The following LAT2 variants were observed in gnomAD, a reference collection of about 807,000 sequenced individuals.
LAT2 encodes linker for activation of T-cells family member 2.
In LAT2, 23 loss-of-function variants were observed where a neutral mutation model predicts 43.4. The ratio of observed to expected loss-of-function variants is 0.53; its 90% CI spans 0.38 to 0.75. LAT2 has a LOEUF of 0.75. LAT2 is among the 30% of genes least tolerant of loss of function. The pLI is 0.00. For missense variants in LAT2, 284 were observed against 310.2 expected, an observed-to-expected ratio of 0.92 and a Z score of 0.64; for synonymous variants, 128 against 123.2, an observed-to-expected ratio of 1.04 and a Z score of -0.26.
chr7:74,223,669 C>G, intron 10 of LAT2, 55 bp from the exon 11 acceptor site: 1 of 1,529,024 alleles, frequency 6.5e-7, no homozygotes, highest in Middle Eastern at 1.7e-4. Flanking sequence ...GGAGGATGAG[C>G]CAGGCTTTGC....
intron 1 of LAT2, among the ~76,000 whole-genome samples, chr7:74,213,083 C>G (rs775331374): frequency 6.6e-6 from 1 of 152,254 alleles, no homozygotes; most frequent in Middle Eastern, 3.4e-3. Flanking sequence ...GATCCCAAGG[C>G]AGGAGGTAGG....
At chr7:74,226,242 A>G (rs1224241077) in intron 13 of LAT2, 3 of 151,308 alleles carry the variant, frequency 2.0e-5, no homozygotes, top group Non-Finnish European at 4.4e-5. Flanking sequence ...GGTTCAAGCG[A>G]TTCTCGTGCC....
rs373811351 is a variant in LAT2, at chr7:74,224,047, T to C, written c.478T>C (p.Cys160Arg). 2.5e-5 allele frequency: 41 copies of C among 1,614,094 alleles called. No individual in the cohort carries two copies. In the African/African-American group the frequency reaches 4.1e-4, roughly 16 times the overall value. ...GAQQEGIGGL[C>R]RGDLSLSLAL... ...CCAGCAGGAGGGCATAGGTGGCCTC[T>C]GCAGAGGGGACCTCAGCCTGTCACT... Residue 160 changes from cysteine (C) to arginine (R), a missense_variant, in exon 12 of 14, where the codon TGC becomes CGC. Cys to Arg is a radical substitution (Grantham distance 180, BLOSUM62 -3). Coordinates refer to ENST00000460943, the MANE Select transcript of LAT2 (RefSeq NM_032464.3).
chr7:74,220,084 C>T lies in LAT2; in HGVS notation c.227+76C>T. ...TCACCTGGTGAGCCCAGGTCAAGAC[C>T]TCCCTCCCTCCCCGAGTCCCAGAGC... is the stretch of plus-strand genomic sequence containing the variant. On this transcript the variant is annotated intron_variant, in intron 6 of 13. Transcript: ENST00000460943. This position sits in a 1 kb window ranked among gnomAD's most constrained non-coding sequence, Gnocchi z 4.5. 1 of 1,569,806 alleles carries T rather than the reference C, an allele frequency of 6.4e-7. No homozygotes were observed. The highest frequency in any genetic ancestry group is 2.3e-5 in the East Asian group (1 of 43,932).
chr7:74,227,314 T>C (rs1554716259), intron 13 of LAT2, among the ~76,000 whole-genome samples: 2 of 151,888 alleles, frequency 1.3e-5, no homozygotes, highest in Non-Finnish European at 2.9e-5. Flanking sequence ...CTCTGCCTCC[T>C]GGGTTCAGGT....
chr7:74,214,768 TATATATAAATATATATATATATA>T (rs1563968723), intron 1 of LAT2, 31 bp from the exon 2 acceptor site: 445 of 26,246 alleles, frequency 0.017, 22 homozygotes, highest in African/African-American at 0.059. Context: ...TATAAACATA[TATATATAAATATATATATATATA>T]TTTTTTTTTT....
chr7:74,224,619 G>C lies in LAT2; in HGVS notation c.629-20G>C. The C allele has an allele frequency of 6.4e-7, 1 of 1,569,284 alleles. No homozygotes were observed. The highest frequency in any genetic ancestry group is 8.7e-7 in the Non-Finnish European group (1 of 1,155,180). ...CTCCATGTGAACCACTCGATGACCTGTCTGCCCGCTGGTCCACAGGGCAAC... is the reference window on the plus strand; with the variant it reads ...CTCCATGTGAACCACTCGATGACCTCTCTGCCCGCTGGTCCACAGGGCAAC... On this transcript the variant is annotated intron_variant, in intron 12 of 13. Coordinates refer to ENST00000460943, the MANE Select transcript of LAT2 (RefSeq NM_032464.3).
rs1215590437 is a variant in LAT2 at position 74,229,256 on chromosome 7, C to T, written c.*331C>T. Reference sequence around the variant, plus strand: ...ATAAGCTGTCACCCAGTCCCCATAACAAAACCACTGTCCAACACTGGTATC... The same window carrying T: ...ATAAGCTGTCACCCAGTCCCCATAATAAAACCACTGTCCAACACTGGTATC... On this transcript the variant is annotated 3_prime_UTR_variant, in exon 14 of 14. Transcript: ENST00000460943. 1 of 152,454 alleles carries T rather than the reference C, an allele frequency of 6.6e-6. No homozygotes were observed. Among genetic ancestry groups the T allele is most frequent in the African/African-American group, 2.4e-5 (1 of 41,456 alleles). 9.4% of individuals were successfully genotyped at this position (152,454 alleles called of 1,614,324 possible).
chr7:74,219,598 T>G, intron 4 of LAT2, 146 bp from the exon 5 acceptor site: 1 of 985,658 alleles, frequency 1.0e-6, no homozygotes, highest in Non-Finnish European at 1.6e-6. Context: ...GAATGAGGCC[T>G]GAAAGGGCAG....
chr7:74,222,933 G>C (rs993902497), intron 10 of LAT2, among the ~76,000 whole-genome samples: 1 of 152,318 alleles, frequency 6.6e-6, no homozygotes, highest in Middle Eastern at 3.4e-3. Context: ...TGGGGCATCA[G>C]TCAGAGCCCA....
rs576055783 is a variant in LAT2 at position 74,218,851 on chromosome 7, C to G, written c.135-893C>G. ...AGCTGGGATTACAGGCATGCGCCAC[C>G]ATGCCCAGCTAATTTTTGTATTTTT... On this transcript the variant is annotated intron_variant, in intron 4 of 13. Transcript: ENST00000460943. Among the ~76,000 whole-genome samples the G allele has an allele frequency of 3.7e-4, 57 of 152,036 alleles. No homozygotes were observed. In the East Asian group the frequency reaches 0.011, roughly 28 times the overall value.
At chr7:74,219,261 C>T (rs782603461) in intron 4 of LAT2, among the ~76,000 whole-genome samples, 4 of 152,030 alleles carry the variant, frequency 2.6e-5, no homozygotes, top group African/African-American at 7.2e-5. Flanking sequence ...GAATTGCAAA[C>T]GCTCCCTGGG....
chr7:74,210,472 A>G (rs1351341660), intron 1 of LAT2, among the ~76,000 whole-genome samples: 5 of 152,164 alleles, frequency 3.3e-5, no homozygotes, highest in Non-Finnish European at 7.4e-5. Flanking sequence ...GTGGGATTAC[A>G]GGCCAGGGCC....
At chr7:74,215,838 G>T in intron 2 of LAT2, 109 bp from the exon 3 acceptor site, 1 of 761,290 alleles carries the variant, frequency 1.3e-6, no homozygotes, top group South Asian at 1.5e-5. Flanking sequence ...GAGGGGAGGT[G>T]GTGTTTCCGC....
At chr7:74,222,230 C>CAAAAAAA (rs113312443) in intron 10 of LAT2, among the ~76,000 whole-genome samples, 10 of 65,590 alleles carry the variant, frequency 1.5e-4, no homozygotes, top group East Asian at 3.7e-4. Flanking sequence ...TACAAAAATA[C>CAAAAAAA]AAAAAAAAAA....
rs2116155427 is a variant in LAT2, at chr7:74,220,544, G to C, written c.266-40G>C. 1.2e-6 allele frequency: 2 copies of C among 1,613,382 alleles called. No individual in the cohort carries two copies. Among genetic ancestry groups the C allele is most frequent in the Middle Eastern group, 3.3e-4 (2 of 6,054 alleles). ...AGCACCCGAGCTGGGTGCAAAGCAG[G>C]GGCCAGGGGAGAAAGCAATTAGCTG... is the stretch of plus-strand genomic sequence containing the variant. On this transcript the variant is annotated intron_variant, in intron 7 of 13. Transcript: ENST00000460943. This position sits in a 1 kb window ranked among gnomAD's most constrained non-coding sequence, Gnocchi z 4.5.
chr7:74,220,069 A>G lies in LAT2; in HGVS notation c.227+61A>G. 5.7e-6 allele frequency: 9 copies of G among 1,590,036 alleles called. No homozygotes were observed. Among genetic ancestry groups the G allele is most frequent in the Non-Finnish European group, 7.7e-6 (9 of 1,163,296 alleles). Reference sequence around the variant, plus strand: ...AAGTCCTGGAGGTCCTCACCTGGTGAGCCCAGGTCAAGACCTCCCTCCCTC... The same window carrying G: ...AAGTCCTGGAGGTCCTCACCTGGTGGGCCCAGGTCAAGACCTCCCTCCCTC... On this transcript the variant is annotated intron_variant, in intron 6 of 13. Coordinates refer to ENST00000460943, the MANE Select transcript of LAT2 (RefSeq NM_032464.3). The surrounding 1 kb of genome is among the most constrained non-coding windows in gnomAD (Gnocchi z 4.5).
intron 1 of LAT2, among the ~76,000 whole-genome samples, chr7:74,212,165 G>A (rs978906596): frequency 2.6e-5 from 4 of 151,836 alleles, no homozygotes; most frequent in African/African-American, 7.3e-5. Flanking sequence ...TGCTGGTCTC[G>A]AACTCCTGGC....
chr7:74,224,709 C>T lies in LAT2; in HGVS notation c.699C>T (p.Tyr233=), dbSNP rs782326473. 1.4e-5 allele frequency: 23 copies of T among 1,605,434 alleles called. No individual in the cohort carries two copies. Among genetic ancestry groups the T allele is most frequent in the Middle Eastern group, 1.7e-4 (1 of 6,046 alleles). ...SPDEEDGEPD[Y]VNGEVAATEA is the part of the protein sequence containing the mutation. Reference sequence around the variant, plus strand: ...ACGAGGAGGACGGGGAACCGGATTACGTGAATGGGGAGGTGGCAGCCACAG... The same window carrying T: ...ACGAGGAGGACGGGGAACCGGATTATGTGAATGGGGAGGTGGCAGCCACAG... Residue 233 remains tyrosine (Y), a synonymous_variant, in exon 13 of 14, where the codon TAC becomes TAT. Coordinates refer to ENST00000460943, the MANE Select transcript of LAT2 (RefSeq NM_032464.3).
Sources: gnomAD v4.1 joint callset for allele counts (sites outside exome capture counted in the v4.1 genomes callset) on GRCh38, gnomAD v4.1.1 for gene constraint, Gnocchi (gnomAD v3.1) non-coding constraint, MANE v1.5 for transcripts, NCBI Gene and HGNC (gene_info 2026-07-23, HGNC 2026-07-21) for gene names.